The following CNGA2 variants were observed in gnomAD, a reference collection of about 807,000 sequenced individuals.
CNGA2 encodes the protein cyclic nucleotide gated channel subunit alpha 2, also known as cyclic nucleotide-gated channel alpha-2.
A neutral mutation model predicts 35.9 loss-of-function variants in CNGA2; 22 were observed. The ratio of observed to expected loss-of-function variants is 0.61; its 90% CI spans 0.44 to 0.88. CNGA2 has a LOEUF of 0.88. CNGA2 is among the 40% of genes least tolerant of loss of function. The pLI, the probability that CNGA2 is intolerant of heterozygous loss-of-function variation, is 0.00. For synonymous variants in CNGA2, 217 were observed against 209.2 expected (o/e 1.04, Z -0.32); for missense variants, 555 against 530.8 (o/e 1.05, Z -0.45).
At chrX:151,735,759 T>A (rs1313333206) in intron 1 of CNGA2, among the ~76,000 whole-genome samples, 1 of 111,627 alleles carries the variant, frequency 9.0e-6, no homozygotes, top group East Asian at 2.8e-4. Flanking sequence ...GTCAGCCCCC[T>A]ATCCTCCTCC....
Position 151,743,133 on chromosome X carries a change from A to G in CNGA2, c.630A>G (p.Lys210=). The G allele has an allele frequency of 8.4e-7, 1 of 1,189,317 alleles. No homozygotes were observed. The highest frequency in any genetic ancestry group is 1.1e-6 in the Non-Finnish European group (1 of 884,265). ...GGCTGCTGGTCAAAGATACCAAGAAACTGCGAGACAACTACATCCACACCC... is the reference window on the plus strand; with the variant it reads ...GGCTGCTGGTCAAAGATACCAAGAAGCTGCGAGACAACTACATCCACACCC... ...EQGLLVKDTK[K]LRDNYIHTLQ... is the part of the protein sequence containing the mutation. Residue 210 remains lysine, a synonymous_variant, in exon 7 of 7, where the codon AAA becomes AAG. Transcript: ENST00000329903.
chrX:151,736,327 G>A (rs1299641302), intron 1 of CNGA2, among the ~76,000 whole-genome samples: 1 of 112,288 alleles, frequency 8.9e-6, no homozygotes, highest in Non-Finnish European at 1.9e-5. Flanking sequence ...CAGCAGGCCT[G>A]GAGAGCCATG....
intron 4 of CNGA2, 145 bp from the exon 5 acceptor site, chrX:151,740,649 T>C: frequency 2.0e-6 from 1 of 489,842 alleles, no homozygotes; most frequent in Non-Finnish European, 3.6e-6. Flanking sequence ...CTGAAAAATG[T>C]GGCCCTCAGC....
At position 151,744,015 on chromosome X, in the gene CNGA2, T is replaced by G. The variant is rs1158866897; in HGVS notation, c.1512T>G (p.Asp504Glu). 1 of 1,211,410 alleles carries G rather than the reference T, an allele frequency of 8.3e-7. No homozygotes were observed. Among genetic ancestry groups the G allele is most frequent in the Non-Finnish European group, 1.1e-6 (1 of 895,442 alleles). ...AGGGCAAACTGGCAGTGGTGGCTGA[T>G]GATGGTGTGACTCAGTATGCTCTGC... The part of the protein sequence containing the change: ...IKEGKLAVVA[D>E]DGVTQYALLS... Residue 504 changes from aspartate (D) to glutamate (E), a missense_variant, in exon 7 of 7, where the codon GAT becomes GAG. Coordinates refer to ENST00000329903, the MANE Select transcript of CNGA2 (RefSeq NM_005140.3).
intron 1 of CNGA2, among the ~76,000 whole-genome samples, chrX:151,735,355 G>A (rs2015236509): frequency 8.9e-6 from 1 of 111,878 alleles, no homozygotes; most frequent in African/African-American, 3.3e-5. Context: ...GCACTTGTTT[G>A]GTATCTCCTG....
At position 151,738,603 on chromosome X, in the gene CNGA2, C is replaced by T; in HGVS notation, c.110+10C>T. ...ACAGGACAAGCAGCAGGTGAGTCTG[C>T]ATGGTATCAGGGAAGGTACAGAGGC... On this transcript the variant is annotated intron_variant, in intron 2 of 6. Coordinates refer to ENST00000329903, the MANE Select transcript of CNGA2 (RefSeq NM_005140.3). 8.4e-7 allele frequency: 1 copy of T among 1,187,231 alleles called. No individual in the cohort carries two copies. The highest frequency in any genetic ancestry group is 1.1e-6 in the Non-Finnish European group (1 of 873,719).
In CNGA2 at chrX:151,739,601, C is replaced by A. The variant is rs144004735; in HGVS notation, c.243C>A (p.Asn81Lys). ...RLVGIIREWANKNFREEEPRP... is the reference protein window; with the variant it reads ...RLVGIIREWAKKNFREEEPRP... ...TGGGGATCATCAGAGAATGGGCCAA[C>A]AAGAATTTCCGAGAGGAGGAACCTA... The change falls in exon 4 of 7, where the codon AAC becomes AAA. Residue 81 changes from asparagine (N) to lysine (K), a missense_variant. Physicochemically the swap from Asn to Lys is moderately conservative, Grantham distance 94 (BLOSUM62 0). Transcript: ENST00000329903. 22 of 1,209,835 alleles carry A rather than the reference C, an allele frequency of 1.8e-5. No individual in the cohort carries two copies. In the South Asian group the frequency reaches 2.1e-4, roughly 12 times the overall value.
intron 5 of CNGA2, 138 bp from the exon 6 acceptor site, chrX:151,742,398 T>C: frequency 2.2e-6 from 1 of 460,917 alleles, no homozygotes; most frequent in Non-Finnish European, 3.8e-6. Flanking sequence ...TAAATATCTC[T>C]TGGCATCAGG....
rs1409571850 is a variant in CNGA2 at position 151,738,877 on chromosome X, C to T, written c.201C>T (p.Arg67=). ...DAPQQGRSGF[R]RIVRLVGIIR... Reference sequence around the variant, plus strand: ...CACAGCAGGGAAGGAGTGGCTTCCGCAGGTGGGTCCCACCACTACCCTGCT... The same window carrying T: ...CACAGCAGGGAAGGAGTGGCTTCCGTAGGTGGGTCCCACCACTACCCTGCT... The change falls in exon 3 of 7, where the codon CGC becomes CGT. Residue 67 remains arginine (R), a splice_region_variant and synonymous_variant. Transcript: ENST00000329903. 6 of 1,160,986 alleles carry T rather than the reference C, an allele frequency of 5.2e-6. No individual in the cohort carries two copies. Among genetic ancestry groups the T allele is most frequent in the Non-Finnish European group, 6.9e-6 (6 of 868,941 alleles).
At position 151,744,321 on chromosome X, in the gene CNGA2, C is replaced by T. The variant is rs768520834; in HGVS notation, c.1818C>T (p.Thr606=). The stretch of plus-strand genomic sequence containing the variant: ...AGGAGAAGCTAGGGCAGCTGGAGAC[C>T]AACATGGAAACCTTGTACACTCGCT... ...DVQEKLGQLE[T]NMETLYTRFG... is the part of the protein sequence containing the mutation. The change falls in exon 7 of 7, where the codon ACC becomes ACT. Residue 606 remains threonine, a synonymous_variant. Transcript: ENST00000329903. 1 of 1,211,138 alleles carries T rather than the reference C, an allele frequency of 8.3e-7. No homozygotes were observed. The highest frequency in any genetic ancestry group is 3.0e-5 in the East Asian group (1 of 33,800).
intron 2 of CNGA2, 69 bp from the exon 3 acceptor site, chrX:151,738,718 G>A: frequency 1.8e-6 from 2 of 1,096,531 alleles, no homozygotes; most frequent in South Asian, 2.1e-5. Flanking sequence ...GGATTTCTAA[G>A]CATGACCCAG....
intron 3 of CNGA2, 111 bp from the exon 4 acceptor site, chrX:151,739,451 T>C (rs2015280892): frequency 2.0e-5 from 17 of 858,115 alleles, no homozygotes; most frequent in Non-Finnish European, 2.8e-5. Context: ...TTTGTAGGTT[T>C]CACTGTCCTT....
chrX:151,737,131 G>A (rs1446101345), intron 1 of CNGA2, among the ~76,000 whole-genome samples: 4 of 111,790 alleles, frequency 3.6e-5, no homozygotes, highest in Admixed American at 9.4e-5. Flanking sequence ...AAGCTTAGGC[G>A]GGGGTTGAGG....
chrX:151,744,101 G>A lies in CNGA2; in HGVS notation c.1598G>A (p.Gly533Asp). ...SILNIKGSKM[G>D]NRRTANIRSL... ...CTTAACATTAAGGGCAGTAAAATGG[G>A]CAATCGACGCACAGCTAATATCCGC... Residue 533 changes from glycine to aspartate, a missense_variant, in exon 7 of 7, where the codon GGC (glycine) becomes GAC (aspartate). Coordinates refer to ENST00000329903, the MANE Select transcript of CNGA2 (RefSeq NM_005140.3). The A allele has an allele frequency of 1.7e-6, 2 of 1,210,762 alleles. No individual in the cohort carries two copies. The highest frequency in any genetic ancestry group is 2.2e-6 in the Non-Finnish European group (2 of 895,262).
At position 151,744,640 on chromosome X, in the gene CNGA2, T is replaced by C; in HGVS notation, c.*142T>C. 3.7e-6 allele frequency: 2 copies of C among 537,952 alleles called. No homozygotes were observed. Among genetic ancestry groups the C allele is most frequent in the East Asian group, 3.7e-5 (1 of 27,340 alleles). 44.3% of individuals were successfully genotyped at this position (537,952 alleles called of 1,213,427 possible). A position where few individuals can be genotyped will look rare whatever the true frequency, so the allele number is the denominator to read the frequency against. The stretch of plus-strand genomic sequence containing the variant: ...AAAAGCCTCTCTGACCCTGGGTTTT[T>C]GGCCTAAACATCCAAGATTCCGCCT... On this transcript the variant is annotated 3_prime_UTR_variant, in exon 7 of 7. Coordinates refer to ENST00000329903, the MANE Select transcript of CNGA2 (RefSeq NM_005140.3).
rs146197221 is a variant in CNGA2 at position 151,742,617 on chromosome X, G to A, written c.564G>A (p.Ala188=). 3.5e-5 allele frequency: 42 copies of A among 1,204,748 alleles called. No homozygotes were observed. The African/African-American group carries it at 5.7e-4, about 16-fold the overall frequency. The change falls in exon 6 of 7, where the codon GCG becomes GCA. Residue 188 remains alanine, a synonymous_variant. Coordinates refer to ENST00000329903, the MANE Select transcript of CNGA2 (RefSeq NM_005140.3). ...ATGTCTCAGATGTGGTCTACATTGC[G>A]GACCTCTTCATCCGATTGCGCACAG... is the stretch of plus-strand genomic sequence containing the variant. The part of the protein sequence containing the change: ...LDYVSDVVYI[A]DLFIRLRTGF...
chrX:151,735,052 G>T (rs573388651), intron 1 of CNGA2, among the ~76,000 whole-genome samples, 109 bp downstream of exon 1: 42 of 111,570 alleles, frequency 3.8e-4, no homozygotes, highest in African/African-American at 1.3e-3. Context: ...TCTCTGACTT[G>T]ACTTCTCTAG....
chrX:151,739,437 C>T, intron 3 of CNGA2, 125 bp from the exon 4 acceptor site: 14 of 764,919 alleles, frequency 1.8e-5, no homozygotes, highest in Non-Finnish European at 2.6e-5. Context: ...CATGGTCTGG[C>T]CTGTTTGTAG....
intron 1 of CNGA2, among the ~76,000 whole-genome samples, chrX:151,738,091 A>G (rs1385854345): frequency 9.1e-6 from 1 of 109,516 alleles, no homozygotes; most frequent in Non-Finnish European, 1.9e-5. Flanking sequence ...AGACATCTGC[A>G]AAGTGAAGGC....
Sources: allele counts gnomAD v4.1 joint callset (sites outside exome capture counted in the v4.1 genomes callset), GRCh38; gene constraint gnomAD v4.1.1; transcripts MANE v1.5; gene names NCBI Gene and HGNC (gene_info 2026-07-23, HGNC 2026-07-21).